The following DYM variants were observed in gnomAD, a reference collection of about 807,000 sequenced individuals.
The protein encoded by DYM is dymeclin.
A neutral mutation model predicts 93.1 loss-of-function variants in DYM; 78 were observed. The ratio of observed to expected loss-of-function variants is 0.84; its 90% CI spans 0.70 to 1.01. The LOEUF (loss-of-function observed/expected upper bound fraction) is 1.01. DYM is among the 50% of genes least tolerant of loss of function. The pLI is 0.00. For missense variants in DYM, 789 were observed against 845.0 expected (o/e 0.93, Z 0.82); for synonymous variants, 321 against 319.7 (o/e 1.00, Z -0.04).
chr18:49,211,811 T>A (rs1183187311), intron 13 of DYM, among the ~76,000 whole-genome samples: 1 of 152,178 alleles, frequency 6.6e-6, no homozygotes, highest in Non-Finnish European at 1.5e-5. Context: ...AAGCTGTTAA[T>A]CTCCAAAACA....
In DYM at chr18:49,232,484, TA is replaced by T. The variant is rs1276011400; in HGVS notation, c.1461-22770del. ...ACACCTGGCTAATTTTTTGTATTTT[TA>T]GTAGAGATGGGGTTTCACCGTGTTA... On this transcript the variant is annotated intron_variant, in intron 13 of 17. Coordinates refer to ENST00000675505, the MANE Select transcript of DYM (RefSeq NM_001353214.3). Among the ~76,000 whole-genome samples the T allele has an allele frequency of 2.0e-5, 3 of 151,614 alleles. No individual in the cohort carries two copies. In the East Asian group the frequency reaches 5.8e-4, roughly 29 times the overall value.
At chr18:49,140,553 C>T (rs150326924) in intron 15 of DYM, among the ~76,000 whole-genome samples, 2 of 152,218 alleles carry the variant, frequency 1.3e-5, no homozygotes, top group African/African-American at 4.8e-5. Context: ...AATTTAAAAT[C>T]TGATACGAAT....
intron 17 of DYM, among the ~76,000 whole-genome samples, chr18:49,084,666 T>C (rs1456856434): frequency 6.6e-6 from 1 of 152,164 alleles, no homozygotes; most frequent in African/African-American, 2.4e-5. Flanking sequence ...TGTCCACCAA[T>C]AGAATGGAGA....
chr18:49,226,202 T>C (rs1203322216), intron 13 of DYM, among the ~76,000 whole-genome samples: 1 of 152,150 alleles, frequency 6.6e-6, no homozygotes, highest in African/African-American at 2.4e-5. Flanking sequence ...ACTGAACAGA[T>C]GAAAATGTAC....
intron 9 of DYM, among the ~76,000 whole-genome samples, chr18:49,285,250 C>T (rs905982437): frequency 1.4e-4 from 21 of 152,148 alleles, no homozygotes; most frequent in Admixed American, 2.6e-4. Flanking sequence ...TTGGCAGAGG[C>T]GCAATTAATG....
At chr18:49,449,515 T>G (rs1568467793) in intron 1 of DYM, among the ~76,000 whole-genome samples, 1 of 152,160 alleles carries the variant, frequency 6.6e-6, no homozygotes, top group Admixed American at 6.5e-5. Context: ...TGTATAATGT[T>G]CCTCCAAAGT....
At chr18:49,350,446 G>A (rs1424282648) in intron 6 of DYM, among the ~76,000 whole-genome samples, 39 of 152,104 alleles carry the variant, frequency 2.6e-4, no homozygotes, top group Admixed American at 2.6e-3. Context: ...AGTGGCTTAC[G>A]TCTGTAATCC....
chr18:49,276,371 A>C (rs1285036698), intron 10 of DYM, among the ~76,000 whole-genome samples: 1 of 152,142 alleles, frequency 6.6e-6, no homozygotes, highest in Non-Finnish European at 1.5e-5. Flanking sequence ...GATGTATCAC[A>C]ATAACTGACT....
chr18:49,187,618 T>G (rs1055359018), intron 14 of DYM, among the ~76,000 whole-genome samples: 2 of 152,196 alleles, frequency 1.3e-5, no homozygotes, highest in Non-Finnish European at 2.9e-5. Flanking sequence ...ATATTTTTAA[T>G]GGGATGATAA....
At chr18:49,080,149 C>CAGGGG (rs1186307263) in intron 17 of DYM, among the ~76,000 whole-genome samples, 1 of 7,922 alleles carries the variant, frequency 1.3e-4, no homozygotes, top group African/African-American at 7.0e-4. Flanking sequence ...GGGCGGCTGG[C>CAGGGG]CGGGGGGGGG....
chr18:49,420,325 G>T (rs539185362), intron 2 of DYM, among the ~76,000 whole-genome samples: 1 of 151,766 alleles, frequency 6.6e-6, no homozygotes, highest in Non-Finnish European at 1.5e-5. Context: ...CCGCCACCAC[G>T]CCTGGCTAAT....
At chr18:49,289,776 C>CACACACAT (rs1555678765) in intron 8 of DYM, among the ~76,000 whole-genome samples, 2 of 85,520 alleles carry the variant, frequency 2.3e-5, no homozygotes, top group Admixed American at 1.4e-4. Context: ...TATATATACA[C>CACACACAT]ATATATATAT....
At chr18:49,317,197 C>A (rs1379202557) in intron 8 of DYM, among the ~76,000 whole-genome samples, 1 of 152,082 alleles carries the variant, frequency 6.6e-6, no homozygotes, top group African/African-American at 2.4e-5. Flanking sequence ...TTTCTGTAAA[C>A]CTAGAACTGC....
At chr18:49,303,226 G>C (rs1332612746) in intron 8 of DYM, among the ~76,000 whole-genome samples, 1 of 152,152 alleles carries the variant, frequency 6.6e-6, no homozygotes, top group Non-Finnish European at 1.5e-5. Context: ...TCTCTCTTAG[G>C]CATTTTGCCC....
intron 2 of DYM, among the ~76,000 whole-genome samples, chr18:49,426,051 T>A (rs1201407418): frequency 6.6e-6 from 1 of 152,156 alleles, no homozygotes; most frequent in Admixed American, 6.6e-5. Context: ...ACTGGGTATA[T>A]ACCCACAGGA....
chr18:49,160,694 T>C (rs2087001865), intron 15 of DYM, among the ~76,000 whole-genome samples: 1 of 152,154 alleles, frequency 6.6e-6, no homozygotes, highest in African/African-American at 2.4e-5. Flanking sequence ...GACACAGAAT[T>C]TTATGTGGTT....
At chr18:49,353,069 T>C (rs1474297412) in intron 6 of DYM, among the ~76,000 whole-genome samples, 1 of 152,108 alleles carries the variant, frequency 6.6e-6, no homozygotes, top group African/African-American at 2.4e-5. Flanking sequence ...CAGGTCTTCA[T>C]AGAGTAGTTT....
At chr18:49,164,436 A>C (rs1453063770) in intron 14 of DYM, among the ~76,000 whole-genome samples, 1 of 152,216 alleles carries the variant, frequency 6.6e-6, no homozygotes, top group African/African-American at 2.4e-5. Context: ...TGAGCCCCAT[A>C]ATGGTGAGCT....
chr18:49,214,323 A>G (rs934623653), intron 13 of DYM, among the ~76,000 whole-genome samples: 2 of 152,208 alleles, frequency 1.3e-5, no homozygotes, highest in African/African-American at 4.8e-5. Flanking sequence ...TCTCATAGGA[A>G]GACGAACCCT....
Sources: gnomAD v4.1 joint callset for allele counts (sites outside exome capture counted in the v4.1 genomes callset) on GRCh38, gnomAD v4.1.1 for gene constraint, MANE v1.5 for transcripts, NCBI Gene and HGNC (gene_info 2026-07-23, HGNC 2026-07-21) for gene names.